Variants in AIG1 observed in about 807,000 individuals in gnomAD.
AIG1 encodes the protein androgen induced 1, also known as androgen-induced gene 1 protein.
Under a neutral mutation model 31.4 loss-of-function variants are expected in AIG1, and 23 were observed. That is an observed-to-expected ratio of 0.73 (90% CI 0.53 to 1.04). The LOEUF is 1.04. AIG1 is among the 50% of genes least tolerant of loss of function. AIG1 has a pLI of 0.00. For missense variants in AIG1, 274 were observed against 295.0 expected, an observed-to-expected ratio of 0.93 and a Z score of 0.52; for synonymous variants, 100 against 110.5, an observed-to-expected ratio of 0.90 and a Z score of 0.60.
intron 4 of AIG1, among the ~76,000 whole-genome samples, chr6:143,305,349 T>C (rs967660347): frequency 1.2e-4 from 18 of 152,092 alleles, no homozygotes; most frequent in Non-Finnish European, 2.2e-4. Flanking sequence ...CCTGCTTTCT[T>C]TTGTGGGCAT....
At chr6:143,238,352 A>T (rs1447830406) in intron 3 of AIG1, among the ~76,000 whole-genome samples, 6 of 152,214 alleles carry the variant, frequency 3.9e-5, no homozygotes, top group Non-Finnish European at 8.8e-5. Flanking sequence ...TTATTTTCTC[A>T]TAACAACAAC....
At chr6:143,287,251 T>C (rs1797749308) in intron 4 of AIG1, among the ~76,000 whole-genome samples, 1 of 152,276 alleles carries the variant, frequency 6.6e-6, no homozygotes, top group East Asian at 1.9e-4. Context: ...AGTTTAAGTA[T>C]CAGGAATCAT....
At chr6:143,071,762 CT>C (rs966711415) in intron 1 of AIG1, among the ~76,000 whole-genome samples, 1 of 149,078 alleles carries the variant, frequency 6.7e-6, no homozygotes, top group African/African-American at 2.5e-5. Context: ...TTCTTCTCTT[CT>C]TTTTTTTTCT....
intron 3 of AIG1, among the ~76,000 whole-genome samples, chr6:143,246,308 A>T (rs1794619520): frequency 6.6e-6 from 1 of 151,916 alleles, no homozygotes; most frequent in African/African-American, 2.4e-5. Context: ...TTACAGTTCC[A>T]CGTGGCTAGG....
At chr6:143,114,485 A>G (rs1261316271) in intron 1 of AIG1, among the ~76,000 whole-genome samples, 2 of 152,242 alleles carry the variant, frequency 1.3e-5, no homozygotes, top group Non-Finnish European at 2.9e-5. Context: ...AAATGCACCA[A>G]GGTGGAAGTG....
intron 1 of AIG1, among the ~76,000 whole-genome samples, chr6:143,105,654 G>A (rs1780735080): frequency 6.6e-6 from 1 of 152,272 alleles, no homozygotes; most frequent in African/African-American, 2.4e-5. Context: ...GGGATGTATT[G>A]CTGAGTTCTC....
intron 2 of AIG1, among the ~76,000 whole-genome samples, chr6:143,149,716 CG>C (rs1282063601): frequency 2.6e-5 from 4 of 152,074 alleles, no homozygotes; most frequent in South Asian, 2.1e-4. Context: ...TACAGTTTTA[CG>C]GAACAGCTTG....
At chr6:143,224,566 T>A (rs1792789435) in intron 3 of AIG1, among the ~76,000 whole-genome samples, 1 of 152,192 alleles carries the variant, frequency 6.6e-6, no homozygotes, top group East Asian at 1.9e-4. Context: ...ATATTGACAG[T>A]GAATGTGGCT....
rs777201241 is a variant in AIG1, at chr6:143,060,905, C to T, written c.-21C>T. 2 of 1,470,426 alleles carry T rather than the reference C, an allele frequency of 1.4e-6. No individual in the cohort carries two copies. Among genetic ancestry groups the T allele is most frequent in the Admixed American group, 4.0e-5 (2 of 49,566 alleles). 91.1% of individuals were successfully genotyped at this position (1,470,426 alleles called of 1,614,324 possible). A position where few individuals can be genotyped will look rare whatever the true frequency, so the allele number is the denominator to read the frequency against. On this transcript the variant is annotated 5_prime_UTR_variant, in exon 1 of 6. Transcript: ENST00000357847. Reference sequence around the variant, plus strand: ...ACGCCCGCCCTCCTTGCCGCCCAGCCGGTCCAGGCCTCTGGCGAACATGGC... The same window carrying T: ...ACGCCCGCCCTCCTTGCCGCCCAGCTGGTCCAGGCCTCTGGCGAACATGGC...
At chr6:143,137,342 C>A (rs1041701756) in intron 2 of AIG1, among the ~76,000 whole-genome samples, 3 of 152,114 alleles carry the variant, frequency 2.0e-5, no homozygotes, top group African/African-American at 7.2e-5. Context: ...GATTAGGGCC[C>A]CCTAATGACC....
chr6:143,222,943 G>T (rs1384306769), intron 3 of AIG1, among the ~76,000 whole-genome samples: 3 of 152,150 alleles, frequency 2.0e-5, no homozygotes. Flanking sequence ...TATTTACTTT[G>T]CTCAGTACAG....
intron 2 of AIG1, among the ~76,000 whole-genome samples, chr6:143,158,507 G>A (rs920409290): frequency 2.6e-5 from 4 of 152,130 alleles, no homozygotes; most frequent in Non-Finnish European, 4.4e-5. Context: ...TTGGATTATG[G>A]GTGTTTCCTA....
At chr6:143,094,241 T>C (rs1333734584) in intron 1 of AIG1, 1 of 152,214 alleles carries the variant, frequency 6.6e-6, no homozygotes, top group African/African-American at 2.4e-5. Flanking sequence ...GACTCAGAGA[T>C]AATAAGCATC....
chr6:143,342,255 C>T (rs1436211745), downstream of AIG1: 2 of 683,460 alleles, frequency 2.9e-6, no homozygotes, highest in Admixed American at 2.0e-5. Context: ...AATGGGGTGG[C>T]GAGGCTGGGC....
chr6:143,182,930 C>T (rs2128587570), intron 3 of AIG1, among the ~76,000 whole-genome samples: 1 of 152,334 alleles, frequency 6.6e-6, no homozygotes, highest in East Asian at 1.9e-4. Flanking sequence ...TATTTTCTAA[C>T]TTGTATTTAA....
chr6:143,193,092 C>G (rs1413468525), intron 3 of AIG1, among the ~76,000 whole-genome samples: 1 of 152,216 alleles, frequency 6.6e-6, no homozygotes. Flanking sequence ...CAGGCACTTT[C>G]TGCCCATCTA....
chr6:143,312,283 AAC>A lies in AIG1; in HGVS notation c.516-20996_516-20995del, dbSNP rs970500631. ...TCTTGAGCAAAAAGAGCAGAACTGAAACACTCACATTACATGACTTCAAATTA... is the reference window on the plus strand; with the variant it reads ...TCTTGAGCAAAAAGAGCAGAACTGAAACTCACATTACATGACTTCAAATTA... On this transcript the variant is annotated intron_variant, in intron 4 of 5. Transcript: ENST00000357847. 6.1e-4 allele frequency among the ~76,000 whole-genome samples: 93 copies of A among 152,138 alleles called. 1 individual carries two copies. Among genetic ancestry groups the A allele is most frequent in the African/African-American group, 2.2e-3 (92 of 41,456 alleles).
intron 3 of AIG1, among the ~76,000 whole-genome samples, chr6:143,170,576 C>CA (rs1288936926): frequency 1.7e-5 from 2 of 115,006 alleles, no homozygotes; most frequent in East Asian, 1.0e-3. Context: ...TTATCTTTTC[C>CA]AAAAAAACAA....
In AIG1 at chr6:143,334,050, A is replaced by G. The variant is rs563200222; in HGVS notation, c.679+605A>G. The G allele has an allele frequency of 1.3e-6, 2 of 1,549,976 alleles. No individual in the cohort carries two copies. The highest frequency in any genetic ancestry group is 4.9e-5 in the East Asian group (2 of 40,910). On this transcript the variant is annotated intron_variant, in intron 5 of 5. Coordinates refer to ENST00000357847, the MANE Select transcript of AIG1 (RefSeq NM_016108.4). This position sits in a 1 kb window ranked among gnomAD's most constrained non-coding sequence, Gnocchi z 5.1. ...AAAAACTCTTTTAACCTGTGATTTG[A>G]TTTCTCTTTTGTTTCCATTTATGGC...
Sources: allele counts gnomAD v4.1 joint callset (sites outside exome capture counted in the v4.1 genomes callset), GRCh38; gene constraint gnomAD v4.1.1; non-coding constraint Gnocchi (gnomAD v3.1); transcripts MANE v1.5; gene names NCBI Gene and HGNC (gene_info 2026-07-23, HGNC 2026-07-21).